Variants in HECW2 observed in about 807,000 individuals in gnomAD.
The protein encoded by HECW2 is E3 ubiquitin-protein ligase HECW2.
A neutral mutation model predicts 175.2 loss-of-function variants in HECW2; 61 were observed. The observed-to-expected ratio is 0.35, with a 90% CI of 0.28 to 0.43. The LOEUF (loss-of-function observed/expected upper bound fraction) is 0.43. Ranked by LOEUF, HECW2 falls within the 20% of genes least tolerant of loss-of-function variation. The pLI is 1.00. For missense variants in HECW2, 1,524 were observed against 2,000.5 expected, an observed-to-expected ratio of 0.76 and a Z score of 4.54; for synonymous variants, 671 against 731.0, an observed-to-expected ratio of 0.92 and a Z score of 1.32.
At chr2:196,352,988 A>G (rs1021174530) in intron 2 of HECW2, among the ~76,000 whole-genome samples, 2 of 152,204 alleles carry the variant, frequency 1.3e-5, no homozygotes, top group Non-Finnish European at 2.9e-5. Flanking sequence ...GTGGCTCCCT[A>G]TTCTTCTCAG....
chr2:196,404,650 C>T lies in HECW2; in HGVS notation c.292+28482G>A, dbSNP rs1694909951. On this transcript the variant is annotated intron_variant, in intron 2 of 28. Transcript: ENST00000644978. ...AACATTTCCTGATCTTCCAGGTCAC[C>T]AGTTCCAGTGCTCCCACTACAGAAA... Among the ~76,000 whole-genome samples, 4 of 152,098 alleles carry T rather than the reference C, an allele frequency of 2.6e-5. No homozygotes were observed. The South Asian group carries it at 8.3e-4, about 32-fold the overall frequency.
At chr2:196,407,661 A>G (rs1299609124) in intron 2 of HECW2, among the ~76,000 whole-genome samples, 2 of 152,248 alleles carry the variant, frequency 1.3e-5, no homozygotes, top group East Asian at 3.8e-4. Flanking sequence ...CTAAATGGCT[A>G]GACTCCTTGC....
Position 196,490,916 on chromosome 2 carries a change from A to G in HECW2, c.-35-57458T>C, listed in dbSNP as rs1687162935. Among the ~76,000 whole-genome samples, 4 of 152,212 alleles carry G rather than the reference A, an allele frequency of 2.6e-5. No individual in the cohort carries two copies. In the South Asian group the frequency reaches 8.3e-4, roughly 32 times the overall value. ...ATATTTAGAAAAAGCAAATCTAGAA[A>G]GACAGAAAGTAGATTCGTAGTTGTT... On this transcript the variant is annotated intron_variant, in intron 1 of 28. Coordinates refer to ENST00000644978, the MANE Select transcript of HECW2 (RefSeq NM_001348768.2).
chr2:196,430,059 A>G (rs967206296), intron 2 of HECW2, among the ~76,000 whole-genome samples: 1 of 152,212 alleles, frequency 6.6e-6, no homozygotes, highest in Non-Finnish European at 1.5e-5. Context: ...TCCAGCTAAG[A>G]CATCAGAAAT....
intron 15 of HECW2, among the ~76,000 whole-genome samples, chr2:196,276,281 T>C (rs1316109541): frequency 6.6e-6 from 1 of 152,168 alleles, no homozygotes; most frequent in Non-Finnish European, 1.5e-5. Context: ...GGCTGGACAC[T>C]CAGTCTGTAT....
At chr2:196,453,183 A>G (rs1392476078) in intron 1 of HECW2, among the ~76,000 whole-genome samples, 1 of 152,218 alleles carries the variant, frequency 6.6e-6, no homozygotes, top group African/African-American at 2.4e-5. Flanking sequence ...CAGAATTTCA[A>G]GATCTCTAAC....
intron 17 of HECW2, chr2:196,260,396 T>C (rs1343986117): frequency 1.3e-5 from 2 of 152,318 alleles, no homozygotes; most frequent in Middle Eastern, 3.4e-3. Flanking sequence ...TATGTTGATA[T>C]TGAGTCATTC....
chr2:196,279,748 T>C (rs538807325), intron 14 of HECW2, among the ~76,000 whole-genome samples: 1 of 152,298 alleles, frequency 6.6e-6, no homozygotes, highest in East Asian at 1.9e-4. Context: ...TACAAACTCA[T>C]CACATACCGT....
chr2:196,309,319 A>G (rs1183890876), intron 10 of HECW2, among the ~76,000 whole-genome samples: 2 of 152,202 alleles, frequency 1.3e-5, no homozygotes, highest in African/African-American at 2.4e-5. Flanking sequence ...CAAAAGAAAG[A>G]GGAATTGGGC....
At chr2:196,360,568 G>C (rs11902865) in intron 2 of HECW2, among the ~76,000 whole-genome samples, 40,707 of 151,946 alleles carry the variant, frequency 0.27, 7,186 homozygotes, top group African/African-American at 0.5. Flanking sequence ...GGAGGAGAGA[G>C]AGGATCAGAA....
intron 1 of HECW2, among the ~76,000 whole-genome samples, chr2:196,478,749 C>T (rs530163404): frequency 3.0e-4 from 46 of 152,222 alleles, no homozygotes; most frequent in African/African-American, 1.1e-3. Context: ...CTACCTTCCT[C>T]TCTATGTCAT....
intron 1 of HECW2, among the ~76,000 whole-genome samples, chr2:196,565,250 G>A (rs140623246): frequency 5.9e-4 from 89 of 152,096 alleles, no homozygotes; most frequent in African/African-American, 2.1e-3. Context: ...AAAAGCTGCA[G>A]GTTAAATCAG....
rs1686639184 is a variant in HECW2, at chr2:196,194,946, C to T, written c.*6331G>A. On this transcript the variant is annotated 3_prime_UTR_variant, in exon 29 of 29. Transcript: ENST00000644978. ...CAGAGCCTTAATATTAAAAAGTAATCATTACTATAAAATTAGATTAATACT... is the reference window on the plus strand; with the variant it reads ...CAGAGCCTTAATATTAAAAAGTAATTATTACTATAAAATTAGATTAATACT... The T allele has an allele frequency of 6.6e-6, 1 of 152,060 alleles. No homozygotes were observed. The highest frequency in any genetic ancestry group is 1.5e-5 in the Non-Finnish European group (1 of 68,018). 9.4% of individuals were successfully genotyped at this position (152,060 alleles called of 1,614,324 possible).
At chr2:196,562,126 T>A (rs1490387480) in intron 1 of HECW2, among the ~76,000 whole-genome samples, 1 of 152,238 alleles carries the variant, frequency 6.6e-6, no homozygotes, top group Admixed American at 6.5e-5. Context: ...AATGATACGC[T>A]GAATAGATTT....
chr2:196,388,693 C>T (rs1224358458), intron 2 of HECW2, among the ~76,000 whole-genome samples: 1 of 152,106 alleles, frequency 6.6e-6, no homozygotes, highest in Non-Finnish European at 1.5e-5. Flanking sequence ...TAATGTATGG[C>T]TAGCATCTAA....
rs116618356 is a variant in HECW2, at chr2:196,213,215, T to C, written c.4607+2650A>G. Among the ~76,000 whole-genome samples, 1,100 of 152,366 alleles carry C rather than the reference T, an allele frequency of 7.2e-3. 21 individuals carry two copies. Among genetic ancestry groups the C allele is most frequent in the African/African-American group, 0.025 (1,048 of 41,578 alleles). On this transcript the variant is annotated intron_variant, in intron 28 of 28. Transcript: ENST00000644978. Reference sequence around the variant, plus strand: ...GTTCTTTTAATTTTTTCCCTCCGAATGTACTTTTATTCTTTGTGGAGCCAA... The same window carrying C: ...GTTCTTTTAATTTTTTCCCTCCGAACGTACTTTTATTCTTTGTGGAGCCAA...
chr2:196,373,328 A>G lies in HECW2; in HGVS notation c.293-29564T>C, dbSNP rs141792974. On this transcript the variant is annotated intron_variant, in intron 2 of 28. Transcript: ENST00000644978. ...AAGAATTGCCTGTTTTCAATTAACC[A>G]AAGGAATTATAATTATGTTAATTTC... is the stretch of plus-strand genomic sequence containing the variant. 2.2e-3 allele frequency among the ~76,000 whole-genome samples: 335 copies of G among 152,374 alleles called. 1 individual carries two copies. Among genetic ancestry groups the G allele is most frequent in the African/African-American group, 7.6e-3 (316 of 41,584 alleles).
chr2:196,233,891 T>C (rs1278184419), intron 21 of HECW2, among the ~76,000 whole-genome samples: 2 of 152,322 alleles, frequency 1.3e-5, no homozygotes, highest in Middle Eastern at 3.4e-3. Context: ...GGTTACTTTA[T>C]AAGCAGAGAC....
chr2:196,360,021 T>C (rs1047669953), intron 2 of HECW2, among the ~76,000 whole-genome samples: 2 of 152,066 alleles, frequency 1.3e-5, no homozygotes. Flanking sequence ...GGAGGATTGC[T>C]TGAGCCCCAG....
Sources: gnomAD v4.1 joint callset for allele counts (sites outside exome capture counted in the v4.1 genomes callset) on GRCh38, gnomAD v4.1.1 for gene constraint, MANE v1.5 for transcripts, NCBI Gene and HGNC (gene_info 2026-07-23, HGNC 2026-07-21) for gene names.